Variants in ARHGEF33 observed in about 807,000 individuals in gnomAD.
The protein encoded by ARHGEF33 is Rho guanine nucleotide exchange factor 33, also known as DH and coiled-coil domain-containing protein ENSP00000381780.
A neutral mutation model predicts 101.9 loss-of-function variants in ARHGEF33; 72 were observed. That is an observed-to-expected ratio of 0.71 (90% CI 0.58 to 0.86). ARHGEF33 has a LOEUF of 0.86. Ranked by LOEUF, ARHGEF33 falls within the 40% of genes least tolerant of loss-of-function variation. ARHGEF33 has a pLI of 0.00. For missense variants in ARHGEF33, 1,169 were observed against 1,111.3 expected (o/e 1.05, Z -0.74); for synonymous variants, 499 against 442.5 (o/e 1.13, Z -1.60).
At position 38,960,527 on chromosome 2, in the gene ARHGEF33, A is replaced by C; in HGVS notation, c.2222A>C (p.Glu741Ala). ...SSGGRAPIKAERAAQAHGPAA... is the reference protein window; with the variant it reads ...SSGGRAPIKAARAAQAHGPAA... Reference sequence around the variant, plus strand: ...GGCGGCCGCGCGCCCATCAAGGCCGAGCGCGCCGCGCAGGCGCACGGCCCG... The same window carrying C: ...GGCGGCCGCGCGCCCATCAAGGCCGCGCGCGCCGCGCAGGCGCACGGCCCG... Residue 741 changes from glutamate (E) to alanine (A), a missense_variant, in exon 16 of 18, where the codon GAG (glutamate) becomes GCG (alanine). Glu to Ala is a moderately radical substitution (Grantham distance 107, BLOSUM62 -1). Coordinates refer to ENST00000409978, the MANE Select transcript of ARHGEF33 (RefSeq NM_001145451.5). The C allele has an allele frequency of 7.9e-7, 1 of 1,265,352 alleles. No individual in the cohort carries two copies. The highest frequency in any genetic ancestry group is 1.0e-6 in the Non-Finnish European group (1 of 1,004,710). The allele number at this position is 1,265,352 out of a possible 1,614,324, so 78.4% of individuals were successfully genotyped here.
At position 38,937,535 on chromosome 2, in the gene ARHGEF33, G is replaced by A. The variant is rs146076365; in HGVS notation, c.766G>A (p.Val256Ile). The change falls in exon 9 of 18, where the codon GTT becomes ATT. Residue 256 changes from valine (V) to isoleucine (I), a missense_variant. By Grantham distance (29) the Val-to-Ile change is conservative (BLOSUM62 3). Transcript: ENST00000409978. ...GGGTAGACACAGCTCCTTGGAAAAC[G>A]TTTTATGTGAAACCTCCTTAGCTGG... Reference protein sequence around the residue: ...GQGRHSSLENVLCETSLAAKR... With the variant: ...GQGRHSSLENILCETSLAAKR... The A allele has an allele frequency of 2.5e-4, 385 of 1,546,748 alleles. 2 individuals are homozygous for A. The African/African-American group carries it at 4.5e-3, about 18-fold the overall frequency.
chr2:38,973,878 TGAG>T lies in ARHGEF33; in HGVS notation c.*38_*40del, dbSNP rs1292298108. ...AAAGTTGTATTGTCAAGTGGTAAGA[TGAG>T]GATAAAAAGCTTGTATATATCTGTG... is the stretch of plus-strand genomic sequence containing the variant. On this transcript the variant is annotated 3_prime_UTR_variant, in exon 18 of 18. Coordinates refer to ENST00000409978, the MANE Select transcript of ARHGEF33 (RefSeq NM_001145451.5). 2 of 1,514,582 alleles carry T rather than the reference TGAG, an allele frequency of 1.3e-6. No individual in the cohort carries two copies. The highest frequency in any genetic ancestry group is 2.2e-5 in the Admixed American group (1 of 46,320). The allele number at this position is 1,514,582 out of a possible 1,614,324, so 93.8% of individuals were successfully genotyped here.
intron 9 of ARHGEF33, among the ~76,000 whole-genome samples, chr2:38,942,258 C>T (rs1333958292): frequency 6.6e-6 from 1 of 150,484 alleles, no homozygotes; most frequent in Non-Finnish European, 1.5e-5. Context: ...ACCTCTGCCT[C>T]CCGGGTTCAA....
chr2:38,966,298 A>G (rs189425033), intron 17 of ARHGEF33, among the ~76,000 whole-genome samples, 153 bp downstream of exon 17: 30 of 152,326 alleles, frequency 2.0e-4, no homozygotes, highest in Non-Finnish European at 3.8e-4. Flanking sequence ...CGGCGGGGTG[A>G]AGATGTTTCT....
intron 13 of ARHGEF33, among the ~76,000 whole-genome samples, chr2:38,955,658 C>T (rs1403602709): frequency 6.6e-6 from 1 of 150,856 alleles, no homozygotes; most frequent in Non-Finnish European, 1.5e-5. Context: ...TGCCACCATG[C>T]CTGGCTTATT....
intron 2 of ARHGEF33, among the ~76,000 whole-genome samples, chr2:38,900,603 A>G (rs931553780): frequency 2.6e-5 from 4 of 152,158 alleles, no homozygotes; most frequent in African/African-American, 9.7e-5. Context: ...ATATCAACCA[A>G]TGTCTAATTG....
chr2:38,937,153 CCCAG>C (rs1667161588), intron 8 of ARHGEF33, 178 bp from the exon 9 acceptor site: 1 of 531,900 alleles, frequency 1.9e-6, no homozygotes, highest in Non-Finnish European at 3.4e-6. Flanking sequence ...CGCCACCACG[CCCAG>C]CTAATTTTTT....
At chr2:38,971,935 C>G in intron 17 of ARHGEF33, 1 of 718,520 alleles carries the variant, frequency 1.4e-6, no homozygotes, top group East Asian at 2.7e-5. Flanking sequence ...CAAAGCTTTC[C>G]TATTTTCAGG....
chr2:38,973,809 T>C lies in ARHGEF33; in HGVS notation c.2579T>C (p.Leu860Pro). 1 of 1,549,160 alleles carries C rather than the reference T, an allele frequency of 6.5e-7. No individual in the cohort carries two copies. Residue 860 changes from leucine to proline, a missense_variant, in exon 18 of 18, where the codon CTT (leucine) becomes CCT (proline). Coordinates refer to ENST00000409978, the MANE Select transcript of ARHGEF33 (RefSeq NM_001145451.5). ...KQDFFRNRLA[L>P]ANDLDQGTAV ...GATTTCTTCAGAAACCGACTTGCTC[T>C]TGCAAATGACCTTGACCAAGGAACA...
chr2:38,930,253 C>T (rs764859241), intron 6 of ARHGEF33, among the ~76,000 whole-genome samples: 10 of 151,990 alleles, frequency 6.6e-5, no homozygotes, highest in African/African-American at 1.4e-4. Flanking sequence ...TTATGTTAAA[C>T]GATGTCTGGA....
At chr2:38,931,539 C>G (rs528235210) in intron 7 of ARHGEF33, among the ~76,000 whole-genome samples, 2 of 151,936 alleles carry the variant, frequency 1.3e-5, no homozygotes, top group Non-Finnish European at 2.9e-5. Context: ...CTATGCTAAC[C>G]CATAAGACAG....
chr2:38,902,987 G>A lies in ARHGEF33; in HGVS notation c.-86+7138G>A, dbSNP rs1395463027. Among the ~76,000 whole-genome samples, 3 of 152,204 alleles carry A rather than the reference G, an allele frequency of 2.0e-5. No individual in the cohort carries two copies. In the East Asian group the frequency reaches 5.8e-4, roughly 29 times the overall value. On this transcript the variant is annotated intron_variant, in intron 2 of 17. Coordinates refer to ENST00000409978, the MANE Select transcript of ARHGEF33 (RefSeq NM_001145451.5). The stretch of plus-strand genomic sequence containing the variant: ...TTTTATCCTTGATGTAGGGTAGTAG[G>A]ATATTGTAAATTTGGGAAGATTCTG...
rs1159139027 is a variant in ARHGEF33 at position 38,974,452 on chromosome 2, A to G, written c.*609A>G. On this transcript the variant is annotated 3_prime_UTR_variant, in exon 18 of 18. Coordinates refer to ENST00000409978, the MANE Select transcript of ARHGEF33 (RefSeq NM_001145451.5). Reference sequence around the variant, plus strand: ...ATGATTCAGAAGGTTCAAAGCTTAAAAACACATTGATCTCCAAACTTGTTC... The same window carrying G: ...ATGATTCAGAAGGTTCAAAGCTTAAGAACACATTGATCTCCAAACTTGTTC... 2 of 152,234 alleles carry G rather than the reference A, an allele frequency of 1.3e-5. No individual in the cohort carries two copies. The allele number at this position is 152,234 out of a possible 1,614,324, so 9.4% of individuals were successfully genotyped here. A position where few individuals can be genotyped will look rare whatever the true frequency, so the allele number is the denominator to read the frequency against.
intron 2 of ARHGEF33, among the ~76,000 whole-genome samples, chr2:38,913,342 C>A (rs986446056): frequency 6.6e-6 from 1 of 152,142 alleles, no homozygotes; most frequent in African/African-American, 2.4e-5. Context: ...GGTTTCATAG[C>A]TCTGCTCTAT....
chr2:38,907,241 A>G (rs1666412773), intron 2 of ARHGEF33, among the ~76,000 whole-genome samples: 3 of 152,066 alleles, frequency 2.0e-5, no homozygotes, highest in Admixed American at 1.3e-4. Context: ...TTCTAACTGA[A>G]CTCATCCATT....
intron 14 of ARHGEF33, 128 bp downstream of exon 14, chr2:38,957,175 G>C: frequency 8.5e-7 from 1 of 1,176,200 alleles, no homozygotes; most frequent in South Asian, 1.5e-5. Flanking sequence ...GAGAGAAGGG[G>C]AGAGAAAGAG....
rs1667890857 is a variant in ARHGEF33, at chr2:38,960,356, C to T, written c.2051C>T (p.Ala684Val). 4.6e-6 allele frequency: 7 copies of T among 1,530,032 alleles called. No homozygotes were observed. Among genetic ancestry groups the T allele is most frequent in the Non-Finnish European group, 6.1e-6 (7 of 1,142,484 alleles). 94.8% of individuals were successfully genotyped at this position (1,530,032 alleles called of 1,614,324 possible). A position where few individuals can be genotyped will look rare whatever the true frequency, so the allele number is the denominator to read the frequency against. ...QPLPKSATSP[A>V]GSSSAYKLEA... ...CTGCCCAAGAGCGCTACGTCGCCGG[C>T]GGGCAGCAGCAGCGCCTACAAACTG... Residue 684 changes from alanine (A) to valine (V), a missense_variant, in exon 16 of 18, where the codon GCG becomes GTG. Transcript: ENST00000409978.
intron 4 of ARHGEF33, 67 bp downstream of exon 4, chr2:38,921,490 G>A (rs1666756042): frequency 2.7e-6 from 3 of 1,100,062 alleles, no homozygotes; most frequent in Non-Finnish European, 4.1e-6. Context: ...TTCTTTATGT[G>A]TACACGTTTT....
At chr2:38,957,890 C>CT in intron 14 of ARHGEF33, 144 bp from the exon 15 acceptor site, 1 of 999,156 alleles carries the variant, frequency 1.0e-6, no homozygotes, top group Non-Finnish European at 1.5e-6. Context: ...AGCAAAGCAA[C>CT]TTAGTTTGCA....
Sources: allele counts gnomAD v4.1 joint callset (sites outside exome capture counted in the v4.1 genomes callset), GRCh38; gene constraint gnomAD v4.1.1; transcripts MANE v1.5; gene names NCBI Gene and HGNC (gene_info 2026-07-23, HGNC 2026-07-21).